Variants in PDE4D observed in about 807,000 individuals in gnomAD.
PDE4D encodes the protein 3',5'-cyclic-AMP phosphodiesterase 4D.
PDE4D carries 24 observed loss-of-function variants against 87.4 expected under a neutral mutation model. The ratio of observed to expected loss-of-function variants is 0.27; its 90% CI spans 0.20 to 0.39. PDE4D has a LOEUF of 0.39. Ranked by LOEUF, PDE4D falls within the 10% of genes least tolerant of loss-of-function variation. The pLI is 1.00. For synonymous variants in PDE4D, 384 were observed against 383.2 expected (o/e 1.00, Z -0.02); for missense variants, 714 against 1,041.0 (o/e 0.69, Z 4.32).
intron 1 of PDE4D, among the ~76,000 whole-genome samples, chr5:59,517,530 T>C (rs780234468): frequency 6.6e-6 from 1 of 152,206 alleles, no homozygotes; most frequent in Non-Finnish European, 1.5e-5. Context: ...TCAAAGGTAG[T>C]GTTTAAGTAT....
chr5:59,767,123 G>A (rs929500943), intron 1 of PDE4D, among the ~76,000 whole-genome samples: 1 of 151,518 alleles, frequency 6.6e-6, no homozygotes, highest in African/African-American at 2.4e-5. Flanking sequence ...ACTTTTTGCT[G>A]CTTTCCTCCT....
At chr5:59,667,582 G>A (rs1227752102) in intron 1 of PDE4D, among the ~76,000 whole-genome samples, 3 of 152,068 alleles carry the variant, frequency 2.0e-5, no homozygotes, top group African/African-American at 4.8e-5. Context: ...CCCTATTTCT[G>A]TTCCTGGATC....
At chr5:60,360,926 A>T (rs554477911) in intron 1 of PDE4D, among the ~76,000 whole-genome samples, 1 of 152,334 alleles carries the variant, frequency 6.6e-6, no homozygotes, top group Admixed American at 6.5e-5. Flanking sequence ...AGTTGAATAA[A>T]AATTATTTTA....
chr5:59,027,278 G>A (rs1756415790), intron 6 of PDE4D, among the ~76,000 whole-genome samples: 1 of 152,206 alleles, frequency 6.6e-6, no homozygotes. Flanking sequence ...ATCATATCGA[G>A]GGTACATGTT....
chr5:60,073,342 G>A (rs1177874615), intron 2 of PDE4D, among the ~76,000 whole-genome samples: 1 of 152,042 alleles, frequency 6.6e-6, no homozygotes, highest in Non-Finnish European at 1.5e-5. Flanking sequence ...AACCAACCTT[G>A]CCTCCCATGG....
At chr5:59,342,295 A>C (rs1778856607) in intron 1 of PDE4D, among the ~76,000 whole-genome samples, 1 of 152,164 alleles carries the variant, frequency 6.6e-6, no homozygotes, top group Non-Finnish European at 1.5e-5. Context: ...CCATGAAAAA[A>C]TTCAGCTTCA....
chr5:60,239,226 T>A (rs1224154919), intron 1 of PDE4D, among the ~76,000 whole-genome samples: 1 of 152,146 alleles, frequency 6.6e-6, no homozygotes, highest in Non-Finnish European at 1.5e-5. Flanking sequence ...ATTTATTGTA[T>A]CCTTACCACA....
At chr5:60,046,339 C>T (rs1312636272) in intron 2 of PDE4D, among the ~76,000 whole-genome samples, 1 of 152,124 alleles carries the variant, frequency 6.6e-6, no homozygotes, top group East Asian at 1.9e-4. Context: ...TCCTCTTTTC[C>T]TAATTGAATA....
At chr5:59,073,570 T>C (rs1765224864) in intron 5 of PDE4D, among the ~76,000 whole-genome samples, 1 of 150,900 alleles carries the variant, frequency 6.6e-6, no homozygotes, top group African/African-American at 2.4e-5. Context: ...TATGGAAATG[T>C]ATTTATAATG....
chr5:60,259,040 T>C (rs1330937531), intron 1 of PDE4D, among the ~76,000 whole-genome samples: 1 of 152,068 alleles, frequency 6.6e-6, no homozygotes, highest in East Asian at 1.9e-4. Flanking sequence ...TTCTGCTACA[T>C]ATAAGCTCAT....
At chr5:59,080,198 G>A (rs772141278) in intron 5 of PDE4D, among the ~76,000 whole-genome samples, 2 of 152,198 alleles carry the variant, frequency 1.3e-5, no homozygotes, top group African/African-American at 2.4e-5. Context: ...GAATGTGTCA[G>A]TGTAAATTCC....
At chr5:58,991,800 A>G in intron 8 of PDE4D, 32 bp downstream of exon 8, 1 of 1,347,644 alleles carries the variant, frequency 7.4e-7, no homozygotes, top group Non-Finnish European at 9.8e-7. Flanking sequence ...ATCATTTAAT[A>G]TTTATGATCC....
intron 1 of PDE4D, among the ~76,000 whole-genome samples, chr5:59,624,255 C>T (rs1227784360): frequency 2.0e-5 from 3 of 152,178 alleles, no homozygotes; most frequent in Non-Finnish European, 4.4e-5. Flanking sequence ...CTGTTCCATC[C>T]TTTGGGGCCT....
intron 1 of PDE4D, among the ~76,000 whole-genome samples, chr5:60,348,860 C>G (rs1758953596): frequency 6.6e-6 from 1 of 151,912 alleles, no homozygotes; most frequent in Admixed American, 6.6e-5. Context: ...TCTTTGAAAA[C>G]AGAATCTGTA....
chr5:59,507,348 A>G (rs541070962), intron 1 of PDE4D, among the ~76,000 whole-genome samples: 2 of 152,066 alleles, frequency 1.3e-5, no homozygotes, highest in Non-Finnish European at 2.9e-5. Context: ...AACAAAACAA[A>G]ACAAAACAAA....
chr5:59,617,613 G>A (rs1454946843), intron 1 of PDE4D, among the ~76,000 whole-genome samples: 3 of 152,110 alleles, frequency 2.0e-5, no homozygotes, highest in Non-Finnish European at 2.9e-5. Context: ...AGACAAACAC[G>A]TACACAGAAG....
intron 1 of PDE4D, among the ~76,000 whole-genome samples, chr5:60,295,374 A>C (rs1264027632): frequency 6.6e-6 from 1 of 152,224 alleles, no homozygotes; most frequent in Non-Finnish European, 1.5e-5. Context: ...TAAGACCTTC[A>C]GTAAAATGTT....
intron 1 of PDE4D, among the ~76,000 whole-genome samples, chr5:59,596,910 G>T (rs1018773754): frequency 6.6e-6 from 1 of 152,086 alleles, no homozygotes; most frequent in Admixed American, 6.6e-5. Context: ...ACCATTTTGG[G>T]TTCAGTGCAA....
chr5:59,104,631 A>C (rs904007341), intron 5 of PDE4D, among the ~76,000 whole-genome samples: 3 of 152,116 alleles, frequency 2.0e-5, no homozygotes, highest in Non-Finnish European at 2.9e-5. Context: ...AAAAAGAATT[A>C]CTTTGCGTTT....
Sources: allele counts gnomAD v4.1 joint callset (sites outside exome capture counted in the v4.1 genomes callset), GRCh38; gene constraint gnomAD v4.1.1; transcripts MANE v1.5; gene names NCBI Gene and HGNC (gene_info 2026-07-23, HGNC 2026-07-21).